ARHGAP32: variants seen among roughly 807,000 people sequenced by gnomAD.
ARHGAP32 encodes the protein rho GTPase-activating protein 32.
ARHGAP32 carries 51 observed loss-of-function variants against 186.5 expected under a neutral mutation model. That is an observed-to-expected ratio of 0.27 (90% CI 0.22 to 0.35). The LOEUF (loss-of-function observed/expected upper bound fraction) is 0.35, where lower values mean the gene tolerates loss of function less well. Among genes scored for constraint, ARHGAP32 ranks in the 10% least tolerant of loss-of-function variants. ARHGAP32 has a pLI of 1.00. For missense variants in ARHGAP32, 2,186 were observed against 2,623.5 expected, an observed-to-expected ratio of 0.83 and a Z score of 3.64; for synonymous variants, 950 against 964.3, an observed-to-expected ratio of 0.99 and a Z score of 0.27.
chr11:129,263,739 G>T (rs892298220), intron 1 of ARHGAP32, among the ~76,000 whole-genome samples: 1 of 152,002 alleles, frequency 6.6e-6, no homozygotes, highest in East Asian at 1.9e-4. Flanking sequence ...AAGAAAACAA[G>T]CGTGGCCAAG....
At chr11:128,979,301 G>C (rs1292934985) in intron 18 of ARHGAP32, among the ~76,000 whole-genome samples, 2 of 152,104 alleles carry the variant, frequency 1.3e-5, no homozygotes, top group Admixed American at 1.3e-4. Context: ...GGCAAACAAA[G>C]AAGACAAGGA....
chr11:129,023,188 C>T (rs1378305428), intron 11 of ARHGAP32, among the ~76,000 whole-genome samples: 1 of 152,014 alleles, frequency 6.6e-6, no homozygotes, highest in Admixed American at 6.6e-5. Flanking sequence ...CATTTATTAC[C>T]GAGGTCTAAA....
intron 10 of ARHGAP32, among the ~76,000 whole-genome samples, chr11:129,060,306 A>G (rs1940436910): frequency 6.6e-6 from 1 of 152,136 alleles, no homozygotes; most frequent in Admixed American, 6.5e-5. Flanking sequence ...CAAATCCAAA[A>G]AAAGCAAATG....
intron 11 of ARHGAP32, among the ~76,000 whole-genome samples, chr11:129,032,640 A>G (rs1436177477): frequency 1.3e-5 from 2 of 152,240 alleles, no homozygotes; most frequent in Admixed American, 6.5e-5. Flanking sequence ...AATTTACAGT[A>G]TAAAAGTACC....
chr11:128,992,294 C>T (rs998682276), intron 12 of ARHGAP32, among the ~76,000 whole-genome samples: 2 of 151,938 alleles, frequency 1.3e-5, no homozygotes, highest in Admixed American at 6.6e-5. Context: ...TTCTATAAAA[C>T]TCTCACTATT....
At chr11:129,156,920 T>G (rs1169578060) in intron 2 of ARHGAP32, among the ~76,000 whole-genome samples, 1 of 152,118 alleles carries the variant, frequency 6.6e-6, no homozygotes, top group Non-Finnish European at 1.5e-5. Flanking sequence ...TCTCTGCTGG[T>G]GATACCCAGG....
At chr11:129,000,143 C>T (rs1178713752) in intron 11 of ARHGAP32, among the ~76,000 whole-genome samples, 2 of 152,162 alleles carry the variant, frequency 1.3e-5, no homozygotes, top group Admixed American at 6.5e-5. Context: ...CCCACACAAG[C>T]ATCAGATAGT....
chr11:129,090,997 C>T (rs1489736675), intron 6 of ARHGAP32, among the ~76,000 whole-genome samples: 1 of 152,094 alleles, frequency 6.6e-6, no homozygotes, highest in Non-Finnish European at 1.5e-5. Context: ...CAACAGACAC[C>T]TTTGTTCGTT....
chr11:129,166,982 G>T (rs1462023181), intron 1 of ARHGAP32, among the ~76,000 whole-genome samples: 1 of 152,074 alleles, frequency 6.6e-6, no homozygotes, highest in Non-Finnish European at 1.5e-5. Context: ...ATGGAATACT[G>T]TATGTAAGTC....
At chr11:129,194,479 A>G (rs1944363749), upstream of ARHGAP32, among the ~76,000 whole-genome samples, 1 of 152,170 alleles carries the variant, frequency 6.6e-6, no homozygotes, top group Non-Finnish European at 1.5e-5. Context: ...TGTTAAGGCA[A>G]AGAAGAAAGG....
At chr11:129,246,321 G>GT (rs1412192116) in intron 1 of ARHGAP32, among the ~76,000 whole-genome samples, 1 of 152,092 alleles carries the variant, frequency 6.6e-6, no homozygotes, top group African/African-American at 2.4e-5. Flanking sequence ...TTCAACCAAA[G>GT]TATCATCAAA....
chr11:129,048,479 A>G (rs570496168), intron 10 of ARHGAP32, among the ~76,000 whole-genome samples: 1 of 149,356 alleles, frequency 6.7e-6, no homozygotes, highest in Non-Finnish European at 1.5e-5. Flanking sequence ...TAAAGTATCT[A>G]TTTTTTTTTT....
At chr11:129,102,710 T>A (rs1941936381) in intron 5 of ARHGAP32, among the ~76,000 whole-genome samples, 1 of 152,066 alleles carries the variant, frequency 6.6e-6, no homozygotes, top group Non-Finnish European at 1.5e-5. Context: ...ACAGAAAACA[T>A]CAAGTGCTGG....
chr11:129,119,978 T>C (rs776176766), intron 5 of ARHGAP32, among the ~76,000 whole-genome samples: 12 of 152,064 alleles, frequency 7.9e-5, no homozygotes, highest in African/African-American at 2.7e-4. Context: ...AAATCTGGCT[T>C]TTACTCTGAA....
intron 6 of ARHGAP32, among the ~76,000 whole-genome samples, chr11:129,088,999 A>C (rs1170598905): frequency 2.4e-5 from 1 of 42,422 alleles, no homozygotes; most frequent in Admixed American, 2.4e-4. Context: ...CCTTGTCAAA[A>C]AAAAAAAAAA....
At chr11:129,184,212 G>T (rs1944110665) in intron 1 of ARHGAP32, among the ~76,000 whole-genome samples, 1 of 152,104 alleles carries the variant, frequency 6.6e-6, no homozygotes, top group Non-Finnish European at 1.5e-5. Flanking sequence ...GGCTCCTAAT[G>T]TGGGTGTGTG....
At chr11:129,058,236 CTCTA>C (rs1204831274) in intron 10 of ARHGAP32, among the ~76,000 whole-genome samples, 76 of 132,894 alleles carry the variant, frequency 5.7e-4, no homozygotes, top group African/African-American at 1.4e-3. Flanking sequence ...CTCTCTCTCT[CTCTA>C]TATATATATA....
intron 1 of ARHGAP32, among the ~76,000 whole-genome samples, chr11:129,210,198 A>C (rs1341907980): frequency 6.6e-6 from 1 of 152,238 alleles, no homozygotes; most frequent in Non-Finnish European, 1.5e-5. Flanking sequence ...CAAACACTTT[A>C]AACTACTATT....
chr11:129,164,073 T>C (rs117585782), intron 2 of ARHGAP32, among the ~76,000 whole-genome samples: 3 of 152,126 alleles, frequency 2.0e-5, no homozygotes, highest in African/African-American at 7.2e-5. Context: ...AGGCCATCTG[T>C]GACTACCCTA....
Sources: gnomAD v4.1 joint callset for allele counts (sites outside exome capture counted in the v4.1 genomes callset) on GRCh38, gnomAD v4.1.1 for gene constraint, MANE v1.5 for transcripts, NCBI Gene and HGNC (gene_info 2026-07-23, HGNC 2026-07-21) for gene names.